The following EWSR1 variants were observed in gnomAD, a reference collection of about 807,000 sequenced individuals.
The protein encoded by EWSR1 is RNA-binding protein EWS.
A neutral mutation model predicts 92.1 loss-of-function variants in EWSR1; 14 were observed. The ratio of observed to expected loss-of-function variants is 0.15; its 90% CI spans 0.10 to 0.24. The LOEUF (loss-of-function observed/expected upper bound fraction) is 0.24, where lower values mean the gene tolerates loss of function less well. Among genes scored for constraint, EWSR1 ranks in the 10% least tolerant of loss-of-function variants. The probability of loss-of-function intolerance (pLI) is 1.00; values close to 1 mark genes in which losing one functional copy is unlikely to be tolerated. For synonymous variants in EWSR1, 303 were observed against 292.9 expected (o/e 1.03, Z -0.35); for missense variants, 637 against 870.9 (o/e 0.73, Z 3.38).
chr22:29,270,723 C>T (rs2058608634), intron 1 of EWSR1, among the ~76,000 whole-genome samples: 1 of 152,128 alleles, frequency 6.6e-6, no homozygotes, highest in Admixed American at 6.5e-5. Context: ...AAGCAAAGAC[C>T]TCAACAAAAC....
intron 6 of EWSR1, among the ~76,000 whole-genome samples, chr22:29,284,695 G>A (rs952580543): frequency 3.3e-5 from 5 of 151,240 alleles, no homozygotes; most frequent in African/African-American, 4.9e-5. Flanking sequence ...TGACACAGTC[G>A]TAGCCCCCTG....
intron 14 of EWSR1, 100 bp downstream of exon 14, chr22:29,298,995 A>AATG: frequency 7.2e-7 from 1 of 1,391,588 alleles, no homozygotes; most frequent in South Asian, 1.4e-5. Flanking sequence ...AGAGGAACAG[A>AATG]ATGATGACCC....
chr22:29,298,007 T>C (rs910823824), intron 13 of EWSR1, 58 bp downstream of exon 13: 18 of 1,526,976 alleles, frequency 1.2e-5, no homozygotes, highest in Admixed American at 2.1e-5. Flanking sequence ...TTCATACCCT[T>C]GAGAAACTTG....
intron 8 of EWSR1, 55 bp downstream of exon 8, chr22:29,288,841 C>A: frequency 6.9e-7 from 1 of 1,450,566 alleles, no homozygotes; most frequent in South Asian, 1.4e-5. Context: ...ATAGGATTTT[C>A]AGTGGAAAGA....
intron 8 of EWSR1, chr22:29,291,064 ATG>A (rs2060406855): frequency 8.4e-6 from 2 of 236,740 alleles, no homozygotes; most frequent in Non-Finnish European, 1.7e-5. Flanking sequence ...GCGTCCTCTG[ATG>A]TGTGTTGTAG....
At chr22:29,273,315 C>G (rs940821526) in intron 3 of EWSR1, among the ~76,000 whole-genome samples, 5 of 152,218 alleles carry the variant, frequency 3.3e-5, no homozygotes. Flanking sequence ...ATTGCTTTCT[C>G]TGTTCATTTG....
intron 4 of EWSR1, 110 bp downstream of exon 4, chr22:29,273,974 G>C: frequency 7.2e-7 from 1 of 1,389,894 alleles, no homozygotes; most frequent in Admixed American, 2.3e-5. Context: ...TTGGCATCTG[G>C]GGAATCCTTT....
chr22:29,284,683 A>G (rs1190110653), intron 6 of EWSR1, among the ~76,000 whole-genome samples: 2 of 151,320 alleles, frequency 1.3e-5, no homozygotes, highest in African/African-American at 2.5e-5. Flanking sequence ...GCTGGGGTAC[A>G]GTGACACAGT....
chr22:29,280,964 C>T (rs1256343675), intron 5 of EWSR1, among the ~76,000 whole-genome samples: 3 of 149,160 alleles, frequency 2.0e-5, no homozygotes, highest in Non-Finnish European at 3.0e-5. Context: ...ACTGCAAGCT[C>T]CGCCTCCCAG....
In EWSR1 at chr22:29,284,439, G is replaced by A. The variant is rs1318815441; in HGVS notation, c.581+1882G>A. On this transcript the variant is annotated intron_variant, in intron 6 of 16. Coordinates refer to ENST00000397938, the MANE Select transcript of EWSR1 (RefSeq NM_005243.4). ...TAGGAACAAGTAGAATTGATTGGGT[G>A]TCTCTCCATACAGCCAGCTTGGAGC... is the stretch of plus-strand genomic sequence containing the variant. Among the ~76,000 whole-genome samples the A allele has an allele frequency of 4.0e-5, 6 of 151,388 alleles. 1 individual carries two copies. Among genetic ancestry groups the A allele is most frequent in the African/African-American group, 9.8e-5 (4 of 40,628 alleles).
In EWSR1 at chr22:29,274,432, G is replaced by A. The variant is rs1177604173; in HGVS notation, c.226+568G>A. ...GTGCTAATGAAAAACTGCTTCAGGT[G>A]CCATTTGCAGATCCATGTCCTATTC... On this transcript the variant is annotated intron_variant, in intron 4 of 16. Transcript: ENST00000397938. The A allele has an allele frequency of 5.3e-6, 4 of 758,238 alleles. No homozygotes were observed. The African/African-American group carries it at 6.9e-5, about 13-fold the overall frequency. The allele number at this position is 758,238 out of a possible 1,614,324, so 47.0% of individuals were successfully genotyped here.
chr22:29,273,593 A>G lies in EWSR1; in HGVS notation c.103-148A>G. The G allele has an allele frequency of 4.5e-6, 4 of 880,646 alleles. No homozygotes were observed. In the South Asian group the frequency reaches 7.3e-5, roughly 16 times the overall value. 54.6% of individuals were successfully genotyped at this position (880,646 alleles called of 1,614,324 possible). ...GGATAACATTCATGATACTGTGATT[A>G]TTTGTCTTGTTTTGTTGTTTTTGTT... On this transcript the variant is annotated intron_variant, in intron 3 of 16. Coordinates refer to ENST00000397938, the MANE Select transcript of EWSR1 (RefSeq NM_005243.4).
chr22:29,289,798 T>C (rs1303849730), intron 8 of EWSR1: 2 of 231,750 alleles, frequency 8.6e-6, no homozygotes, highest in African/African-American at 2.2e-5. Context: ...AAGACAGTAC[T>C]ATTTTGCATA....
intron 7 of EWSR1, among the ~76,000 whole-genome samples, chr22:29,287,678 A>G (rs1004829096): frequency 3.9e-5 from 6 of 152,154 alleles, no homozygotes; most frequent in African/African-American, 1.4e-4. Flanking sequence ...AAGAAAAGAG[A>G]TACTAATTGA....
At chr22:29,278,572 C>A (rs2059306707) in intron 5 of EWSR1, among the ~76,000 whole-genome samples, 1 of 151,902 alleles carries the variant, frequency 6.6e-6, no homozygotes, top group Non-Finnish European at 1.5e-5. Context: ...CGCCTGTAAT[C>A]CCAGCACTTT....
intron 11 of EWSR1, chr22:29,295,915 C>T (rs2060823544): frequency 1.3e-5 from 4 of 297,834 alleles, no homozygotes; most frequent in Non-Finnish European, 2.6e-5. Flanking sequence ...GTCTGACTAC[C>T]CCTACGAGGT....
intron 5 of EWSR1, among the ~76,000 whole-genome samples, chr22:29,281,395 C>T (rs2059592141): frequency 5.5e-5 from 1 of 18,208 alleles, no homozygotes; most frequent in Non-Finnish European, 9.5e-5. Flanking sequence ...CCTTCACCTC[C>T]CATGCCCCAG....
Position 29,280,869 on chromosome 22 carries a change from T to G in EWSR1, c.414-1521T>G, listed in dbSNP as rs1323269120. On this transcript the variant is annotated intron_variant, in intron 5 of 16. Transcript: ENST00000397938. ...TGTGTGTGTGTGTGTGTTGTTTTTTTTTTTTTTTTTTTTTTTTTTTTTTTT... is the reference window on the plus strand; with the variant it reads ...TGTGTGTGTGTGTGTGTTGTTTTTTGTTTTTTTTTTTTTTTTTTTTTTTTT... Among the ~76,000 whole-genome samples, 42 of 29,954 alleles carry G rather than the reference T, an allele frequency of 1.4e-3. 2 individuals are homozygous for G. In the East Asian group the frequency reaches 0.017, roughly 12 times the overall value. 19.7% of individuals were successfully genotyped at this position (29,954 alleles called of 152,430 possible). A position where few individuals can be genotyped will look rare whatever the true frequency, so the allele number is the denominator to read the frequency against.
At chr22:29,290,449 TA>T in intron 8 of EWSR1, 1 of 1,613,614 alleles carries the variant, frequency 6.2e-7, no homozygotes, top group South Asian at 1.1e-5. Context: ...CTTCAATACT[TA>T]AAAAGTACCC....
Sources: allele counts gnomAD v4.1 joint callset (sites outside exome capture counted in the v4.1 genomes callset), GRCh38; gene constraint gnomAD v4.1.1; transcripts MANE v1.5; gene names NCBI Gene and HGNC (gene_info 2026-07-23, HGNC 2026-07-21).